SCN2A: variants seen among roughly 807,000 people sequenced by gnomAD.
The protein encoded by SCN2A is sodium channel protein type 2 subunit alpha.
SCN2A carries 20 observed loss-of-function variants against 188.7 expected under a neutral mutation model. The ratio of observed to expected loss-of-function variants is 0.11; its 90% CI spans 0.07 to 0.15. SCN2A has a LOEUF of 0.15. SCN2A is among the 10% of genes least tolerant of loss of function. The pLI is 1.00. For missense variants in SCN2A, 1,278 were observed against 2,445.0 expected (o/e 0.52, Z 10.07); for synonymous variants, 804 against 833.1 (o/e 0.97, Z 0.60).
At chr2:165,369,914 T>A (rs1439083913) in intron 19 of SCN2A, among the ~76,000 whole-genome samples, 1 of 152,136 alleles carries the variant, frequency 6.6e-6, no homozygotes, top group African/African-American at 2.4e-5. Context: ...GAGACCAAAA[T>A]TTAAAAATTA....
chr2:165,344,527 T>C, intron 15 of SCN2A, 28 bp from the exon 16 acceptor site: 2 of 1,582,056 alleles, frequency 1.3e-6, no homozygotes, highest in Non-Finnish European at 1.7e-6. Context: ...ATGCAGAGCA[T>C]TAACACTGTT....
intron 3 of SCN2A, among the ~76,000 whole-genome samples, chr2:165,304,657 A>G (rs1188369513): frequency 2.0e-5 from 3 of 152,212 alleles, no homozygotes; most frequent in Admixed American, 6.5e-5. Context: ...ATAACTGGTA[A>G]TAGGTCAATC....
rs767541516 is a variant in SCN2A, at chr2:165,389,228, G to A, written c.5422G>A (p.Asp1808Asn). 5.0e-6 allele frequency: 8 copies of A among 1,614,052 alleles called. No individual in the cohort carries two copies. The highest frequency in any genetic ancestry group is 2.2e-5 in the East Asian group (1 of 44,864). ...FYEVWEKFDP[D>N]ATQFIEFAKL... is the part of the protein sequence containing the mutation. The stretch of plus-strand genomic sequence containing the variant: ...TGAGGTTTGGGAGAAGTTTGATCCC[G>A]ATGCGACCCAGTTTATAGAGTTTGC... The change falls in exon 27 of 27, where the codon GAT becomes AAT. Residue 1808 changes from aspartate (D) to asparagine (N), a missense_variant. Around this residue, in one of 17 missense-constraint regions of SCN2A, gnomAD observed 54 missense variants for 135.4 expected, o/e 0.40. Transcript: ENST00000375437. The surrounding 1 kb of genome is among the most constrained non-coding windows in gnomAD (Gnocchi z 4.2).
chr2:165,288,268 A>G (rs1264915765), intron 1 of SCN2A, among the ~76,000 whole-genome samples: 1 of 152,198 alleles, frequency 6.6e-6, no homozygotes, highest in Non-Finnish European at 1.5e-5. Context: ...AACAATGCCA[A>G]AAAATGCAAG....
In SCN2A at chr2:165,295,904, A is replaced by T. The variant is rs1162322343; in HGVS notation, c.81A>T (p.Gln27His). 6.2e-7 allele frequency: 1 copy of T among 1,614,048 alleles called. No individual in the cohort carries two copies. Among genetic ancestry groups the T allele is most frequent in the African/African-American group, 1.3e-5 (1 of 74,922 alleles). ...GGGAATCCCTTGCTGCTATTGAACA[A>T]CGCATTGCAGAAGAGAAAGCTAAGA... ...FTRESLAAIEQRIAEEKAKRP... is the reference protein window; with the variant it reads ...FTRESLAAIEHRIAEEKAKRP... The change falls in exon 2 of 27, where the codon CAA becomes CAT. Residue 27 changes from glutamine to histidine, a missense_variant. Transcript: ENST00000375437.
chr2:165,317,006 A>T (rs1465170069), intron 11 of SCN2A, among the ~76,000 whole-genome samples: 2 of 152,174 alleles, frequency 1.3e-5, no homozygotes, highest in Non-Finnish European at 2.9e-5. Flanking sequence ...AAAACTGATA[A>T]GGAAATTTAC....
chr2:165,364,898 A>G (rs1700643314), intron 17 of SCN2A, among the ~76,000 whole-genome samples: 1 of 152,174 alleles, frequency 6.6e-6, no homozygotes, highest in Non-Finnish European at 1.5e-5. Flanking sequence ...ATCTCTATAC[A>G]TAGGCTCAAA....
chr2:165,381,465 A>G (rs1447460676), intron 25 of SCN2A, among the ~76,000 whole-genome samples: 1 of 151,966 alleles, frequency 6.6e-6, no homozygotes, highest in Non-Finnish European at 1.5e-5. Flanking sequence ...GGTATCATAC[A>G]AGCTGATGTC....
chr2:165,336,344 G>A (rs944606185), intron 14 of SCN2A, among the ~76,000 whole-genome samples: 1 of 151,766 alleles, frequency 6.6e-6, no homozygotes, highest in Non-Finnish European at 1.5e-5. Flanking sequence ...CAATTCAAAT[G>A]TCTATCACTT....
At chr2:165,283,985 G>C (rs1397592714) in intron 1 of SCN2A, among the ~76,000 whole-genome samples, 1 of 151,894 alleles carries the variant, frequency 6.6e-6, no homozygotes, top group Non-Finnish European at 1.5e-5. Flanking sequence ...AGGTAGTGTT[G>C]ACATTACATG....
chr2:165,316,466 G>T (rs1466379161), intron 11 of SCN2A, among the ~76,000 whole-genome samples: 7 of 152,080 alleles, frequency 4.6e-5, no homozygotes, highest in Non-Finnish European at 1.0e-4. Flanking sequence ...AATCTTAATT[G>T]TCTTTGAAAT....
rs780700291 is a variant in SCN2A at position 165,389,497 on chromosome 2, G to A, written c.5691G>A (p.Thr1897=). The A allele has an allele frequency of 1.1e-5, 17 of 1,613,762 alleles. No individual in the cohort carries two copies. The highest frequency in any genetic ancestry group is 1.3e-5 in the African/African-American group (1 of 74,858). The change falls in exon 27 of 27, where the codon ACG becomes ACA. Residue 1897 remains threonine, a synonymous_variant. Transcript: ENST00000375437. This position sits in a 1 kb window ranked among gnomAD's most constrained non-coding sequence, Gnocchi z 4.2. ...NPSKVSYEPI[T]TTLKRKQEEV... is the part of the protein sequence containing the mutation. Reference sequence around the variant, plus strand: ...CCAAAGTCTCTTATGAGCCCATTACGACCACGTTGAAACGCAAACAAGAGG... The same window carrying A: ...CCAAAGTCTCTTATGAGCCCATTACAACCACGTTGAAACGCAAACAAGAGG...
rs71028478 is a variant in SCN2A, at chr2:165,338,261, C to CT, written c.2389-4019dup. 7.4e-3 allele frequency among the ~76,000 whole-genome samples: 1,032 copies of CT among 139,232 alleles called. 13 individuals carry two copies. The highest frequency in any genetic ancestry group is 0.053 in the East Asian group (259 of 4,850). The allele number at this position is 139,232 out of a possible 152,430, so 91.3% of individuals were successfully genotyped here. On this transcript the variant is annotated intron_variant, in intron 14 of 26. Coordinates refer to ENST00000375437, the MANE Select transcript of SCN2A (RefSeq NM_001040142.2). The stretch of plus-strand genomic sequence containing the variant: ...GTGTAAAATTATGAAAAGATTTGAA[C>CT]TTTTTTTTTTTTTTTTGAGACGGAG...
chr2:165,275,471 A>T (rs748419567), intron 1 of SCN2A, among the ~76,000 whole-genome samples: 11 of 152,202 alleles, frequency 7.2e-5, no homozygotes, highest in Non-Finnish European at 1.2e-4. Context: ...GGTTACCTAG[A>T]ATATAAGCTC....
At chr2:165,265,877 A>G (rs2106095948) in intron 1 of SCN2A, among the ~76,000 whole-genome samples, 1 of 150,620 alleles carries the variant, frequency 6.6e-6, no homozygotes, top group African/African-American at 2.4e-5. Context: ...GCTGGAGTCT[A>G]GTGGTGCAAT....
chr2:165,367,450 C>G lies in SCN2A; in HGVS notation c.3675+79C>G, dbSNP rs1473681461. 7 of 1,444,278 alleles carry G rather than the reference C, an allele frequency of 4.8e-6. No individual in the cohort carries two copies. The East Asian group carries it at 1.6e-4, about 33-fold the overall frequency. The allele number at this position is 1,444,278 out of a possible 1,614,324, so 89.5% of individuals were successfully genotyped here. ...CCCTTCAATCAACTCATATTACCCACTTTTAAATTAAGGTGTTTGTAAGAA... is the reference window on the plus strand; with the variant it reads ...CCCTTCAATCAACTCATATTACCCAGTTTTAAATTAAGGTGTTTGTAAGAA... On this transcript the variant is annotated intron_variant, in intron 19 of 26. Transcript: ENST00000375437.
At chr2:165,320,320 T>A (rs1698005692) in intron 11 of SCN2A, 2 of 149,288 alleles carry the variant, frequency 1.3e-5, no homozygotes, top group Non-Finnish European at 2.9e-5. Flanking sequence ...GCTTCCCTCC[T>A]GACTACTTCC....
rs115231482 is a variant in SCN2A, at chr2:165,367,225, C to T, written c.3529C>T (p.Arg1177Trp). ...PEACFTEDCVRKFKCCQISIE... is the reference protein window; with the variant it reads ...PEACFTEDCVWKFKCCQISIE... Reference sequence around the variant, plus strand: ...TTTCCCACATATTTTAGACTGTGTACGGAAGTTCAAGTGTTGTCAGATAAG... The same window carrying T: ...TTTCCCACATATTTTAGACTGTGTATGGAAGTTCAAGTGTTGTCAGATAAG... The change falls in exon 19 of 27, where the codon CGG becomes TGG. Residue 1177 changes from arginine to tryptophan, a missense_variant. Arg to Trp is a moderately radical substitution (Grantham distance 101, BLOSUM62 -3). Coordinates refer to ENST00000375437, the MANE Select transcript of SCN2A (RefSeq NM_001040142.2). 1.0e-4 allele frequency: 168 copies of T among 1,613,930 alleles called. No homozygotes were observed. Among genetic ancestry groups the T allele is most frequent in the Admixed American group, 1.8e-4 (11 of 60,006 alleles).
Position 165,370,478 on chromosome 2 carries a change from A to C in SCN2A, c.3849+179A>C, listed in dbSNP as rs967104353. On this transcript the variant is annotated intron_variant, in intron 20 of 26. Coordinates refer to ENST00000375437, the MANE Select transcript of SCN2A (RefSeq NM_001040142.2). Reference sequence around the variant, plus strand: ...TTTTTACCAATTTAAATACATATACATTCATAGATAAAAATCAAATGCCAT... The same window carrying C: ...TTTTTACCAATTTAAATACATATACCTTCATAGATAAAAATCAAATGCCAT... 2.1e-5 allele frequency: 13 copies of C among 619,442 alleles called. No homozygotes were observed. The African/African-American group carries it at 2.4e-4, about 11-fold the overall frequency. The allele number at this position is 619,442 out of a possible 1,614,324, so 38.4% of individuals were successfully genotyped here.
Sources: allele counts gnomAD v4.1 joint callset (sites outside exome capture counted in the v4.1 genomes callset), GRCh38; gene constraint gnomAD v4.1.1; regional missense constraint gnomAD v4.1.1; non-coding constraint Gnocchi (gnomAD v3.1); transcripts MANE v1.5; gene names NCBI Gene and HGNC (gene_info 2026-07-23, HGNC 2026-07-21).